Variants in FBXO40 observed in about 807,000 individuals in gnomAD.
The protein encoded by FBXO40 is F-box only protein 40.
Under a neutral mutation model 49.9 loss-of-function variants are expected in FBXO40, and 50 were observed. That is an observed-to-expected ratio of 1.00 (90% confidence interval 0.80 to 1.27). The LOEUF (loss-of-function observed/expected upper bound fraction) is 1.27. Among genes scored for constraint, FBXO40 ranks in the 50% most tolerant of loss-of-function variants. FBXO40 has a pLI of 0.00. For missense variants in FBXO40, 895 were observed against 870.1 expected, an observed-to-expected ratio of 1.03 and a Z score of -0.36; for synonymous variants, 340 against 320.2, an observed-to-expected ratio of 1.06 and a Z score of -0.66.
intron 1 of FBXO40, among the ~76,000 whole-genome samples, chr3:121,612,817 C>T (rs2108848060): frequency 6.6e-6 from 1 of 152,082 alleles, no homozygotes. Context: ...CACCTGTAAT[C>T]CCAGCACTTT....
chr3:121,620,541 C>CGGGAA lies in FBXO40; in HGVS notation c.-30-4_-30-3insGGAAG, dbSNP rs34283387. Reference sequence around the variant, plus strand: ...CTAATTATTTATATTCATATTTTCCCGTAGAGCTAAGAAGCAAGAAGAAAT... The same window carrying CGGGAA: ...CTAATTATTTATATTCATATTTTCCCGGGAAGTAGAGCTAAGAAGCAAGAAGAAAT... On this transcript the variant is annotated splice_region_variant and splice_polypyrimidine_tract_variant and intron_variant, in intron 1 of 3. Coordinates refer to ENST00000338040, the MANE Select transcript of FBXO40 (RefSeq NM_016298.4). The CGGGAA allele has an allele frequency of 5.0e-6, 8 of 1,613,542 alleles. No homozygotes were observed. In the East Asian group the frequency reaches 1.8e-4, roughly 36 times the overall value.
In FBXO40 at chr3:121,626,682, T is replaced by A. The variant is rs767040609; in HGVS notation, c.1915-13T>A. ...CCCTATATTCACCTTTGAACTTCTA[T>A]CTTTCTCAACAGATCTGGCAGTTCA... On this transcript the variant is annotated splice_polypyrimidine_tract_variant and intron_variant, in intron 3 of 3. Transcript: ENST00000338040. The A allele has an allele frequency of 1.9e-6, 3 of 1,613,648 alleles. No individual in the cohort carries two copies. Among genetic ancestry groups the A allele is most frequent in the South Asian group, 1.1e-5 (1 of 91,062 alleles).
chr3:121,606,943 C>T (rs2048935003), intron 1 of FBXO40, among the ~76,000 whole-genome samples: 1 of 152,128 alleles, frequency 6.6e-6, no homozygotes, highest in East Asian at 1.9e-4. Context: ...TTCAGGTAAT[C>T]CAAACTGAGG....
rs1212610277 is a variant in FBXO40, at chr3:121,627,951, CAT to C, written c.*1042_*1043del. ...CCCATTGGGGTCTTGGAGAGGAAGA[CAT>C]GTGAACATAACGGCTCCCTGAAATT... On this transcript the variant is annotated 3_prime_UTR_variant, in exon 4 of 4. Transcript: ENST00000338040. The C allele has an allele frequency of 2.5e-6, 1 of 398,520 alleles. No homozygotes were observed. Among genetic ancestry groups the C allele is most frequent in the Non-Finnish European group, 4.4e-6 (1 of 226,094 alleles). The allele number at this position is 398,520 out of a possible 1,614,324, so 24.7% of individuals were successfully genotyped here.
chr3:121,618,228 A>C (rs1333356517), intron 1 of FBXO40, among the ~76,000 whole-genome samples: 1 of 152,026 alleles, frequency 6.6e-6, no homozygotes, highest in Non-Finnish European at 1.5e-5. Flanking sequence ...AGACAACTGG[A>C]GAAATGTGAC....
At chr3:121,605,014 C>T (rs888454960) in intron 1 of FBXO40, among the ~76,000 whole-genome samples, 2 of 151,456 alleles carry the variant, frequency 1.3e-5, no homozygotes, top group Admixed American at 1.3e-4. Flanking sequence ...CCTCTGTTGC[C>T]GAGGCTGGAG....
intron 1 of FBXO40, among the ~76,000 whole-genome samples, chr3:121,600,117 A>G (rs1015687926): frequency 5.3e-5 from 8 of 150,866 alleles, no homozygotes; most frequent in African/African-American, 2.0e-4. Flanking sequence ...TGTAGCTTCA[A>G]TCTCCCAGGC....
At chr3:121,626,669 C>A in intron 3 of FBXO40, 26 bp from the exon 4 acceptor site, 1 of 1,610,028 alleles carries the variant, frequency 6.2e-7, no homozygotes, top group Non-Finnish European at 8.5e-7. Flanking sequence ...CTATATTCAC[C>A]TTTGAACTTC....
In FBXO40 at chr3:121,622,076, G is replaced by T. The variant is rs777545387; in HGVS notation, c.647G>T (p.Gly216Val). The T allele has an allele frequency of 6.2e-7, 1 of 1,614,208 alleles. No homozygotes were observed. Among genetic ancestry groups the T allele is most frequent in the African/African-American group, 1.3e-5 (1 of 75,070 alleles). ...TKEGMDLVKF[G>V]QWENIFSKEH... Reference sequence around the variant, plus strand: ...GAAGGGATGGACCTGGTCAAGTTTGGCCAGTGGGAAAATATTTTCAGCAAA... The same window carrying T: ...GAAGGGATGGACCTGGTCAAGTTTGTCCAGTGGGAAAATATTTTCAGCAAA... Residue 216 changes from glycine to valine, a missense_variant, in exon 3 of 4, where the codon GGC (glycine) becomes GTC (valine). Transcript: ENST00000338040.
chr3:121,600,507 G>T (rs1222822060), intron 1 of FBXO40, among the ~76,000 whole-genome samples: 1 of 152,162 alleles, frequency 6.6e-6, no homozygotes, highest in African/African-American at 2.4e-5. Context: ...GGAAGGAGGG[G>T]CTTCTTAAGG....
intron 1 of FBXO40, among the ~76,000 whole-genome samples, chr3:121,601,668 T>C (rs1363941428): frequency 6.6e-6 from 1 of 152,236 alleles, no homozygotes; most frequent in African/African-American, 2.4e-5. Context: ...TAGCCAGCCC[T>C]TCTTTTCCTT....
chr3:121,597,426 A>G (rs955242509), intron 1 of FBXO40, among the ~76,000 whole-genome samples: 1 of 152,174 alleles, frequency 6.6e-6, no homozygotes, highest in Non-Finnish European at 1.5e-5. Context: ...TTTTTAAAAA[A>G]TAGAATTTGA....
intron 1 of FBXO40, among the ~76,000 whole-genome samples, chr3:121,619,154 C>T (rs2049015680): frequency 6.6e-6 from 1 of 150,936 alleles, no homozygotes; most frequent in Non-Finnish European, 1.5e-5. Context: ...CGTGCACCAC[C>T]ATGCCCCGCT....
At position 121,627,746 on chromosome 3, in the gene FBXO40, G is replaced by C. The variant is rs1261799828; in HGVS notation, c.*836G>C. On this transcript the variant is annotated 3_prime_UTR_variant, in exon 4 of 4. Transcript: ENST00000338040. ...TATGTTCTGAGTTAGGCAGAACATA[G>C]CCATGGCCCTGGGCCACCCTGTGCT... is the stretch of plus-strand genomic sequence containing the variant. 1 of 398,158 alleles carries C rather than the reference G, an allele frequency of 2.5e-6. No homozygotes were observed. The highest frequency in any genetic ancestry group is 4.4e-6 in the Non-Finnish European group (1 of 226,040). The allele number at this position is 398,158 out of a possible 1,614,324, so 24.7% of individuals were successfully genotyped here.
At position 121,622,128 on chromosome 3, in the gene FBXO40, T is replaced by G; in HGVS notation, c.699T>G (p.Asn233Lys). 2 of 1,614,168 alleles carry G rather than the reference T, an allele frequency of 1.2e-6. No homozygotes were observed. The highest frequency in any genetic ancestry group is 8.5e-7 in the Non-Finnish European group (1 of 1,180,040). Residue 233 changes from asparagine to lysine, a missense_variant, in exon 3 of 4, where the codon AAT (asparagine) becomes AAG (lysine). Transcript: ENST00000338040. ...SKEHAASALTNSSASCESKNK... is the reference protein window; with the variant it reads ...SKEHAASALTKSSASCESKNK... ...AGCACGCAGCCTCTGCTTTAACAAA[T>G]TCATCAGCGAGCTGTGAGAGCAAGA... is the stretch of plus-strand genomic sequence containing the variant.
chr3:121,594,506 T>C (rs191907947), intron 1 of FBXO40, among the ~76,000 whole-genome samples: 29 of 152,292 alleles, frequency 1.9e-4, no homozygotes, highest in Middle Eastern at 3.4e-3. Flanking sequence ...TGATCAGAAT[T>C]TCTGTTTTCT....
intron 1 of FBXO40, among the ~76,000 whole-genome samples, chr3:121,616,415 GT>G (rs1225292823): frequency 6.6e-6 from 1 of 152,218 alleles, no homozygotes; most frequent in African/African-American, 2.4e-5. Flanking sequence ...AGATGGGAAT[GT>G]TCTATTCTGT....
chr3:121,621,656 T>G lies in FBXO40; in HGVS notation c.227T>G (p.Met76Arg), dbSNP rs561543642. 1.2e-6 allele frequency: 2 copies of G among 1,614,054 alleles called. No homozygotes were observed. The highest frequency in any genetic ancestry group is 1.3e-5 in the African/African-American group (1 of 75,050). ...TCCGAATATGGCTGCCCTCTGTCCA[T>G]GTCCCGCCACAAACTGGCCAAGCAC... ...LNSEYGCPLS[M>R]SRHKLAKHLQ... Residue 76 changes from methionine (M) to arginine (R), a missense_variant, in exon 3 of 4, where the codon ATG becomes AGG. Coordinates refer to ENST00000338040, the MANE Select transcript of FBXO40 (RefSeq NM_016298.4).
chr3:121,622,954 C>A lies in FBXO40; in HGVS notation c.1525C>A (p.His509Asn). 1 of 1,614,234 alleles carries A rather than the reference C, an allele frequency of 6.2e-7. No individual in the cohort carries two copies. The highest frequency in any genetic ancestry group is 8.5e-7 in the Non-Finnish European group (1 of 1,180,040). The change falls in exon 3 of 4, where the codon CAT becomes AAT. Residue 509 changes from histidine (H) to asparagine (N), a missense_variant. By Grantham distance (68) the His-to-Asn change is moderately conservative. Coordinates refer to ENST00000338040, the MANE Select transcript of FBXO40 (RefSeq NM_016298.4). ...GTCATGTCTCAATGGCTGGTTCCAG[C>A]ATCGATGCCCCCTCGCCTACTTGGG... ...IQSCLNGWFQ[H>N]RCPLAYLGCT... is the part of the protein sequence containing the mutation.
Sources: allele counts gnomAD v4.1 joint callset (sites outside exome capture counted in the v4.1 genomes callset), GRCh38; gene constraint gnomAD v4.1.1; transcripts MANE v1.5; gene names NCBI Gene and HGNC (gene_info 2026-07-23, HGNC 2026-07-21).